KNL1: variants seen among roughly 807,000 people sequenced by gnomAD.
KNL1 encodes outer kinetochore KNL1 complex subunit KNL1.
In KNL1, 66 loss-of-function variants were observed where a neutral mutation model predicts 201.3. The observed-to-expected ratio is 0.33, with a 90% CI of 0.27 to 0.40. The LOEUF (loss-of-function observed/expected upper bound fraction) is 0.40. Ranked by LOEUF, KNL1 falls within the 10% of genes least tolerant of loss-of-function variation. The pLI is 1.00. For synonymous variants in KNL1, 895 were observed against 899.2 expected (o/e 1.00, Z 0.08); for missense variants, 2,815 against 2,690.5 (o/e 1.05, Z -1.02).
At chr15:40,643,009 C>T (rs1169973390) in intron 14 of KNL1, 2 of 152,134 alleles carry the variant, frequency 1.3e-5, no homozygotes, top group African/African-American at 4.8e-5. Flanking sequence ...GATTTTGCAT[C>T]TGTATGCCTG....
chr15:40,636,228 T>C (rs973664198), intron 13 of KNL1, among the ~76,000 whole-genome samples: 6 of 152,178 alleles, frequency 3.9e-5, no homozygotes. Flanking sequence ...TCATAGTAAG[T>C]CCAGGAGAGG....
chr15:40,617,975 TAAAAAAAAAAAAAAAAAAAAA>T (rs71104706), intron 8 of KNL1, among the ~76,000 whole-genome samples: 11 of 47,214 alleles, frequency 2.3e-4, no homozygotes, highest in East Asian at 8.2e-4. Context: ...AGGCTTTTAG[TAAAAAAAAAAAAAAAAAAAAA>T]AAAAAAAAAA....
chr15:40,606,393 A>G lies in KNL1; in HGVS notation c.76A>G (p.Ile26Val). 1 of 1,553,772 alleles carries G rather than the reference A, an allele frequency of 6.4e-7. No homozygotes were observed. Among genetic ancestry groups the G allele is most frequent in the Non-Finnish European group, 8.9e-7 (1 of 1,126,020 alleles). Residue 26 changes from isoleucine to valine, a missense_variant and splice_region_variant, in exon 4 of 26, where the codon ATA becomes GTA. Ile to Val is a conservative substitution (Grantham distance 29). Transcript: ENST00000399668. Reference sequence around the variant, plus strand: ...TGAATAATTCTAATTGTTACCCTAGATATTGAAACCCCCAAGGAGTCCTCT... The same window carrying G: ...TGAATAATTCTAATTGTTACCCTAGGTATTGAAACCCCCAAGGAGTCCTCT... ...ERPVRRRHSS[I>V]LKPPRSPLQD...
At position 40,609,244 on chromosome 15, in the gene KNL1, CA is replaced by C. The variant is rs35081212; in HGVS notation, c.197+357del. Among the ~76,000 whole-genome samples, 408 of 52,106 alleles carry C rather than the reference CA, an allele frequency of 7.8e-3. 3 individuals are homozygous for C. Among genetic ancestry groups the C allele is most frequent in the East Asian group, 0.019 (33 of 1,782 alleles). 34.2% of individuals were successfully genotyped at this position (52,106 alleles called of 152,430 possible). ...GCAACTTAGCGAGATCCCATCTCTA[CA>C]AAAAAAAAAAAAAAAAAAAATTAGC... On this transcript the variant is annotated intron_variant, in intron 5 of 25. Coordinates refer to ENST00000399668, the MANE Select transcript of KNL1 (RefSeq NM_144508.5).
At chr15:40,610,892 G>A (rs1028559356) in intron 6 of KNL1, 30 of 452,550 alleles carry the variant, frequency 6.6e-5, no homozygotes, top group African/African-American at 5.8e-4. Flanking sequence ...CGGGATTACA[G>A]GCATGCACCA....
intron 21 of KNL1, among the ~76,000 whole-genome samples, chr15:40,654,570 G>A (rs1422816508): frequency 8.7e-6 from 1 of 115,040 alleles, no homozygotes; most frequent in Non-Finnish European, 1.9e-5. Context: ...AAATCAGGTA[G>A]TTTAAAAAAA....
At chr15:40,615,258 C>T (rs1892300563) in intron 7 of KNL1, 83 bp from the exon 8 acceptor site, 10 of 436,480 alleles carry the variant, frequency 2.3e-5, no homozygotes, top group East Asian at 8.8e-5. Flanking sequence ...AGTCTTTCAC[C>T]TTCTGTACTC....
chr15:40,637,368 GTTT>G (rs71426393), intron 13 of KNL1, among the ~76,000 whole-genome samples: 1 of 138,422 alleles, frequency 7.2e-6, no homozygotes. Context: ...GATTAACAGC[GTTT>G]TTTTTTTTTA....
chr15:40,631,803 G>A (rs1892918608), intron 13 of KNL1, among the ~76,000 whole-genome samples: 1 of 152,072 alleles, frequency 6.6e-6, no homozygotes, highest in Admixed American at 6.6e-5. Flanking sequence ...GAGCTCAGGA[G>A]TTTGAGACCA....
intron 8 of KNL1, chr15:40,615,892 G>C (rs950016323): frequency 2.0e-5 from 3 of 150,926 alleles, no homozygotes; most frequent in African/African-American, 7.3e-5. Context: ...AGCCTCCCAA[G>C]TTGCTGGGAT....
At position 40,622,444 on chromosome 15, in the gene KNL1, G is replaced by T. The variant is rs1422362548; in HGVS notation, c.2180G>T (p.Gly727Val). The T allele has an allele frequency of 3.7e-6, 6 of 1,613,834 alleles. No individual in the cohort carries two copies. Among genetic ancestry groups the T allele is most frequent in the Non-Finnish European group, 5.1e-6 (6 of 1,179,884 alleles). The change falls in exon 10 of 26, where the codon GGC becomes GTC. Residue 727 changes from glycine to valine, a missense_variant. Coordinates refer to ENST00000399668, the MANE Select transcript of KNL1 (RefSeq NM_144508.5). ...AGTCATACAGTGAAATCTGTACTAG[G>T]CCAGAATTCTAAACTGGCTGAGCCA... Reference protein sequence around the residue: ...ISSHTVKSVLGQNSKLAEPLR... With the variant: ...ISSHTVKSVLVQNSKLAEPLR...
chr15:40,615,139 C>T (rs1460201912), intron 7 of KNL1, among the ~76,000 whole-genome samples: 1 of 152,046 alleles, frequency 6.6e-6, no homozygotes, highest in Non-Finnish European at 1.5e-5. Flanking sequence ...ATTCCTTCAG[C>T]CAGTATTAGA....
Position 40,662,365 on chromosome 15 carries a change from G to T in KNL1, c.*177G>T. The T allele has an allele frequency of 1.9e-6, 1 of 534,444 alleles. No homozygotes were observed. The highest frequency in any genetic ancestry group is 3.3e-6 in the Non-Finnish European group (1 of 299,488). The allele number at this position is 534,444 out of a possible 1,614,324, so 33.1% of individuals were successfully genotyped here. A position where few individuals can be genotyped will look rare whatever the true frequency, so the allele number is the denominator to read the frequency against. On this transcript the variant is annotated 3_prime_UTR_variant, in exon 26 of 26. Coordinates refer to ENST00000399668, the MANE Select transcript of KNL1 (RefSeq NM_144508.5). ...CTGCAGAATGATGGTGATGAAGTCT[G>T]GATGGTAGGCCTCATAGCCTACTAT... is the stretch of plus-strand genomic sequence containing the variant.
chr15:40,619,893 A>G (rs898532847), intron 9 of KNL1, among the ~76,000 whole-genome samples: 1 of 152,194 alleles, frequency 6.6e-6, no homozygotes, highest in Non-Finnish European at 1.5e-5. Context: ...AATTTGTCCC[A>G]AAACACTAAA....
At position 40,620,940 on chromosome 15, in the gene KNL1, A is replaced by C; in HGVS notation, c.676A>C (p.Lys226Gln). Reference protein sequence around the residue: ...NDFIKRLKTGKCSAFPDVPDK... With the variant: ...NDFIKRLKTGQCSAFPDVPDK... ...CTTCATAAAAAGATTGAAAACAGGA[A>C]AATGTAGTGCTTTTCCTGATGTGCC... Residue 226 changes from lysine (K) to glutamine (Q), a missense_variant, in exon 10 of 26, where the codon AAA becomes CAA. Physicochemically the swap from Lys to Gln is moderately conservative, Grantham distance 53. This residue lies in a region of KNL1 where 2,464 missense variants were observed against 2,291.7 expected (regional missense o/e 1.08). Coordinates refer to ENST00000399668, the MANE Select transcript of KNL1 (RefSeq NM_144508.5). 6.2e-7 allele frequency: 1 copy of C among 1,605,478 alleles called. No individual in the cohort carries two copies. Among genetic ancestry groups the C allele is most frequent in the Non-Finnish European group, 8.5e-7 (1 of 1,177,822 alleles).
At position 40,640,061 on chromosome 15, in the gene KNL1, T is replaced by TTTTTC. The variant is rs199666324; in HGVS notation, c.5683-836_5683-832dup. 1.1e-3 allele frequency among the ~76,000 whole-genome samples: 170 copies of TTTTTC among 148,144 alleles called. 1 individual carries two copies. Among genetic ancestry groups the TTTTTC allele is most frequent in the Middle Eastern group, 6.8e-3 (2 of 294 alleles). On this transcript the variant is annotated intron_variant, in intron 13 of 25. Transcript: ENST00000399668. Reference sequence around the variant, plus strand: ...TTGTAAATAAGGAGCTGACTTGATTTTTTTCTTTTCTTTTCTTTTTTTTCT... The same window carrying TTTTTC: ...TTGTAAATAAGGAGCTGACTTGATTTTTTTCTTTTCTTTTCTTTTCTTTTTTTTCT...
At chr15:40,635,365 G>T (rs925513399) in intron 13 of KNL1, among the ~76,000 whole-genome samples, 3 of 148,034 alleles carry the variant, frequency 2.0e-5, no homozygotes, top group Non-Finnish European at 3.0e-5. Context: ...TTCAGGATTT[G>T]TTTTTTGAGA....
At chr15:40,611,833 T>C (rs950246299) in intron 7 of KNL1, among the ~76,000 whole-genome samples, 5 of 152,136 alleles carry the variant, frequency 3.3e-5, no homozygotes, top group African/African-American at 1.2e-4. Context: ...CTTCAACAAA[T>C]GAAAAGATGG....
intron 2 of KNL1, 123 bp downstream of exon 2, chr15:40,603,089 GTT>G: frequency 3.8e-6 from 2 of 519,758 alleles, no homozygotes; most frequent in Admixed American, 3.6e-5. Context: ...AAAAGTAGTA[GTT>G]TTTTTTTTTA....
Sources: allele counts gnomAD v4.1 joint callset (sites outside exome capture counted in the v4.1 genomes callset), GRCh38; gene constraint gnomAD v4.1.1; regional missense constraint gnomAD v4.1.1; transcripts MANE v1.5; gene names NCBI Gene and HGNC (gene_info 2026-07-23, HGNC 2026-07-21).